The following TSPAN7 variants were observed in gnomAD, a reference collection of about 807,000 sequenced individuals.
TSPAN7 encodes the protein tetraspanin 7, also known as tetraspanin-7.
A neutral mutation model predicts 17.6 loss-of-function variants in TSPAN7; 1 was observed. The observed-to-expected ratio is 0.06, with a 90% confidence interval of 0.02 to 0.27. The LOEUF is 0.27. Among genes scored for constraint, TSPAN7 ranks in the 10% least tolerant of loss-of-function variants. The probability of loss-of-function intolerance (pLI) is 1.00; values close to 1 mark genes in which losing one functional copy is unlikely to be tolerated. For synonymous variants in TSPAN7, 78 were observed against 79.0 expected (o/e 0.99, Z 0.07); for missense variants, 112 against 201.7 (o/e 0.56, Z 2.69).
chrX:38,651,679 G>A (rs2147441467), intron 1 of TSPAN7, among the ~76,000 whole-genome samples: 1 of 111,973 alleles, frequency 8.9e-6, no homozygotes, highest in Admixed American at 9.4e-5. Flanking sequence ...GAGCAAGCTT[G>A]ATGGTTGTGT....
chrX:38,630,281 T>C (rs777172297), intron 1 of TSPAN7, among the ~76,000 whole-genome samples: 10 of 112,467 alleles, frequency 8.9e-5, no homozygotes, highest in African/African-American at 2.6e-4. Context: ...AAATATATAA[T>C]GGATATATTG....
chrX:38,635,398 T>C (rs1011603021), intron 1 of TSPAN7, among the ~76,000 whole-genome samples: 5 of 111,357 alleles, frequency 4.5e-5, no homozygotes, highest in African/African-American at 6.5e-5. Context: ...ATGAAATACC[T>C]CTTCTGTTAG....
chrX:38,604,780 A>G (rs1421442347), intron 1 of TSPAN7, among the ~76,000 whole-genome samples: 1 of 111,203 alleles, frequency 9.0e-6, no homozygotes, highest in Non-Finnish European at 1.9e-5. Context: ...AATGTAATCC[A>G]GCATATAAAC....
At chrX:38,651,444 G>A (rs2069675691) in intron 1 of TSPAN7, among the ~76,000 whole-genome samples, 1 of 111,866 alleles carries the variant, frequency 8.9e-6, no homozygotes, top group East Asian at 2.8e-4. Context: ...CAGCCTGGGC[G>A]ACAGAGCGAG....
chrX:38,604,425 C>T (rs1053451782), intron 1 of TSPAN7, among the ~76,000 whole-genome samples: 3 of 109,627 alleles, frequency 2.7e-5, no homozygotes, highest in Non-Finnish European at 5.7e-5. Flanking sequence ...ATTTCTAGTT[C>T]TAGATCCCTG....
chrX:38,567,092 A>ATT (rs71991328), intron 1 of TSPAN7, among the ~76,000 whole-genome samples: 13,441 of 106,408 alleles, frequency 0.13, 791 homozygotes, highest in East Asian at 0.26. Context: ...ATTTAAAACA[A>ATT]TTTTTTTTTT....
intron 2 of TSPAN7, among the ~76,000 whole-genome samples, chrX:38,670,439 G>GAGATGAAA (rs2069813591): frequency 8.9e-6 from 1 of 112,237 alleles, no homozygotes; most frequent in Non-Finnish European, 1.9e-5. Context: ...AGTATCAGCA[G>GAGATGAAA]CATGAGATGA....
chrX:38,567,814 C>T (rs1255813161), intron 1 of TSPAN7, among the ~76,000 whole-genome samples: 3 of 111,826 alleles, frequency 2.7e-5, no homozygotes, highest in African/African-American at 9.8e-5. Context: ...TTCTCCCATA[C>T]TTGTATCTTC....
At chrX:38,622,663 G>C (rs1385277436) in intron 1 of TSPAN7, among the ~76,000 whole-genome samples, 1 of 112,549 alleles carries the variant, frequency 8.9e-6, no homozygotes, top group Non-Finnish European at 1.9e-5. Context: ...ACTTGGGAAG[G>C]TGGAGAGATT....
At chrX:38,645,560 A>G (rs1003104523) in intron 1 of TSPAN7, among the ~76,000 whole-genome samples, 1 of 111,966 alleles carries the variant, frequency 8.9e-6, no homozygotes, top group Non-Finnish European at 1.9e-5. Context: ...AAGGAAAAAA[A>G]AAAAAGAAAA....
At chrX:38,607,298 A>G (rs762990739) in intron 1 of TSPAN7, among the ~76,000 whole-genome samples, 1 of 112,199 alleles carries the variant, frequency 8.9e-6, no homozygotes, top group African/African-American at 3.2e-5. Context: ...CTAGAAATGA[A>G]AGATAATCCA....
At chrX:38,592,476 C>A (rs886975266) in intron 1 of TSPAN7, among the ~76,000 whole-genome samples, 5 of 110,855 alleles carry the variant, frequency 4.5e-5, no homozygotes, top group African/African-American at 1.6e-4. Context: ...CCTTTATCTC[C>A]TTTATTTTTT....
chrX:38,655,296 T>A (rs1007355421), intron 1 of TSPAN7, among the ~76,000 whole-genome samples: 1 of 111,051 alleles, frequency 9.0e-6, no homozygotes, highest in Non-Finnish European at 1.9e-5. Context: ...TTTTCCAAAA[T>A]GTCTGATTTT....
chrX:38,632,662 A>G (rs1234706611), intron 1 of TSPAN7, among the ~76,000 whole-genome samples: 1 of 112,608 alleles, frequency 8.9e-6, no homozygotes, highest in Non-Finnish European at 1.9e-5. Context: ...ATTTGCCACC[A>G]TTATACTGTC....
At chrX:38,675,917 T>C in intron 5 of TSPAN7, 57 bp downstream of exon 5, 1 of 1,129,477 alleles carries the variant, frequency 8.9e-7, no homozygotes, top group Non-Finnish European at 1.2e-6. Flanking sequence ...GGGGGGCTTT[T>C]TTATTTCCAT....
chrX:38,646,391 G>GC, intron 1 of TSPAN7: 1 of 927,215 alleles, frequency 1.1e-6, no homozygotes, highest in Non-Finnish European at 1.5e-6. Context: ...GGTAGTGTTT[G>GC]TTTTTACTCT....
chrX:38,668,966 AG>A (rs1213675640), intron 2 of TSPAN7, among the ~76,000 whole-genome samples: 2 of 107,782 alleles, frequency 1.9e-5, no homozygotes, highest in Non-Finnish European at 3.8e-5. Flanking sequence ...ACAGGGGAGG[AG>A]GGAGAAGCAG....
At chrX:38,662,052 G>T (rs180972828) in intron 1 of TSPAN7, among the ~76,000 whole-genome samples, 3 of 111,370 alleles carry the variant, frequency 2.7e-5, no homozygotes, top group East Asian at 5.7e-4. Context: ...GTGATAAAAT[G>T]CCAGTTAGAG....
chrX:38,668,963 A>T (rs966268592), intron 2 of TSPAN7, among the ~76,000 whole-genome samples: 1 of 106,817 alleles, frequency 9.4e-6, no homozygotes, highest in South Asian at 4.2e-4. Context: ...GAGACAGGGG[A>T]GGAGGGAGAA....
Sources: gnomAD v4.1 joint callset for allele counts (sites outside exome capture counted in the v4.1 genomes callset) on GRCh38, gnomAD v4.1.1 for gene constraint, MANE v1.5 for transcripts, NCBI Gene and HGNC (gene_info 2026-07-23, HGNC 2026-07-21) for gene names.